The following DEAF1 variants were observed in gnomAD, a reference collection of about 807,000 sequenced individuals.
DEAF1 encodes deformed epidermal autoregulatory factor 1 homolog.
A neutral mutation model predicts 58.9 loss-of-function variants in DEAF1; 53 were observed. The observed-to-expected ratio is 0.90, with a 90% CI of 0.72 to 1.13. DEAF1 has a LOEUF of 1.13. DEAF1 is among the 50% of genes most tolerant of loss of function. DEAF1 has a pLI of 0.00. For missense variants in DEAF1, 685 were observed against 791.4 expected (o/e 0.87, Z 1.61); for synonymous variants, 385 against 340.4 (o/e 1.13, Z -1.44).
chr11:672,983 T>C (rs973997416), intron 10 of DEAF1, among the ~76,000 whole-genome samples: 1 of 151,950 alleles, frequency 6.6e-6, no homozygotes, highest in African/African-American at 2.4e-5. Context: ...ACCCTGTCTG[T>C]ACTAAAAATA....
intron 1 of DEAF1, 49 bp from the exon 2 acceptor site, chr11:691,647 CA>C (rs770784354): frequency 1.8e-5 from 28 of 1,546,786 alleles, no homozygotes; most frequent in Non-Finnish European, 2.2e-5. Flanking sequence ...CCAGAATGGA[CA>C]AAGCGAACAG....
chr11:672,470 A>G (rs185925192), intron 10 of DEAF1, among the ~76,000 whole-genome samples: 110 of 152,342 alleles, frequency 7.2e-4, no homozygotes, highest in Non-Finnish European at 7.9e-4. Context: ...CTGGGATGAT[A>G]ATCACTGTTC....
chr11:667,876 C>G (rs370591447), intron 10 of DEAF1, among the ~76,000 whole-genome samples: 3 of 152,018 alleles, frequency 2.0e-5, no homozygotes, highest in East Asian at 3.9e-4. Flanking sequence ...CTTTGGGAGG[C>G]CCAGGCGGGT....
At chr11:646,292 T>TA (rs1005942502) in intron 11 of DEAF1, 5 of 146,170 alleles carry the variant, frequency 3.4e-5, no homozygotes, top group African/African-American at 1.3e-4. Context: ...TACCTGGTAA[T>TA]AGACTATAAA....
chr11:646,124 G>A (rs746742755), intron 11 of DEAF1, among the ~76,000 whole-genome samples: 2 of 151,832 alleles, frequency 1.3e-5, no homozygotes, highest in Admixed American at 6.6e-5. Flanking sequence ...GTGGTCATGC[G>A]CACCTGCAAT....
chr11:656,159 T>TC (rs58850794), intron 10 of DEAF1, among the ~76,000 whole-genome samples: 15 of 85,040 alleles, frequency 1.8e-4, no homozygotes, highest in African/African-American at 6.3e-4. Context: ...AATGACAAAC[T>TC]TTTTTTTTTT....
Position 694,988 on chromosome 11 carries a change from C to A in DEAF1, c.60G>T (p.Ala20=). The part of the protein sequence containing the change: ...QLGLAEAAAV[A]AAAAVAAAAA... The stretch of plus-strand genomic sequence containing the variant: ...CCGCCGCCGCCACAGCGGCCGCGGC[C>A]GCCACCGCCGCCGCCTCAGCCAGGC... Residue 20 remains alanine (A), a synonymous_variant, in exon 1 of 12, where the codon GCG becomes GCT. Coordinates refer to ENST00000382409, the MANE Select transcript of DEAF1 (RefSeq NM_021008.4). 8.4e-7 allele frequency: 1 copy of A among 1,185,254 alleles called. No individual in the cohort carries two copies. 73.4% of individuals were successfully genotyped at this position (1,185,254 alleles called of 1,614,324 possible).
At chr11:685,179 G>A (rs1179993783) in intron 5 of DEAF1, among the ~76,000 whole-genome samples, 8 of 135,992 alleles carry the variant, frequency 5.9e-5, no homozygotes, top group African/African-American at 8.4e-5. Context: ...CTGCCTCCCC[G>A]GCGCAAGCAA....
At chr11:647,924 G>GGGGATTCCT (rs1838900029) in intron 11 of DEAF1, among the ~76,000 whole-genome samples, 1 of 1,548 alleles carries the variant, frequency 6.5e-4, no homozygotes, top group South Asian at 0.016. Context: ...GCTGGGAGCA[G>GGGGATTCCT]GTGGGTGGAC....
intron 10 of DEAF1, among the ~76,000 whole-genome samples, chr11:672,526 A>C (rs1859876219): frequency 6.6e-6 from 1 of 152,234 alleles, no homozygotes; most frequent in Non-Finnish European, 1.5e-5. Flanking sequence ...CCTGATGTGC[A>C]CTGAATGACA....
At chr11:654,796 G>A in intron 10 of DEAF1, 1 of 376,390 alleles carries the variant, frequency 2.7e-6, no homozygotes, top group Non-Finnish European at 5.4e-6. Context: ...TTGCACCCAG[G>A]AGGCGGAGGT....
upstream of DEAF1, among the ~76,000 whole-genome samples, chr11:697,266 G>A (rs1861239044): frequency 6.6e-6 from 1 of 152,094 alleles, no homozygotes; most frequent in African/African-American, 2.4e-5. Context: ...AAAAAACTAA[G>A]TGTATACCAA....
In DEAF1 at chr11:674,747, G is replaced by T. The variant is rs373286290; in HGVS notation, c.1292C>A (p.Pro431Gln). The change falls in exon 10 of 12, where the codon CCG (proline) becomes CAG (glutamine). Residue 431 changes from proline (P) to glutamine (Q), a missense_variant. Around this residue, in one of 3 missense-constraint regions of DEAF1, gnomAD observed 343 missense variants for 379.8 expected, o/e 0.90. Transcript: ENST00000382409. ...GGGAGGTGCCGCTTTGGTGGGAGTCGGGGGTGGGACCGCCAGCGCAGGCAG... is the reference window on the plus strand; with the variant it reads ...GGGAGGTGCCGCTTTGGTGGGAGTCTGGGGTGGGACCGCCAGCGCAGGCAG... ...TSLPALAVPP[P>Q]TPTKAAPPAL... The T allele has an allele frequency of 6.2e-7, 1 of 1,613,140 alleles. No homozygotes were observed. The highest frequency in any genetic ancestry group is 8.5e-7 in the Non-Finnish European group (1 of 1,180,030).
chr11:649,478 G>A (rs1858662519), intron 11 of DEAF1, among the ~76,000 whole-genome samples: 1 of 151,858 alleles, frequency 6.6e-6, no homozygotes, highest in Non-Finnish European at 1.5e-5. Context: ...CCAGCAGTTT[G>A]GGAGGCCGAG....
upstream of DEAF1, among the ~76,000 whole-genome samples, chr11:698,523 G>A (rs1454601864): frequency 5.9e-5 from 9 of 152,148 alleles, no homozygotes; most frequent in Admixed American, 3.9e-4. Flanking sequence ...AGCCACAGAC[G>A]GTGAGCCACA....
intron 11 of DEAF1, among the ~76,000 whole-genome samples, chr11:650,679 G>A (rs955394088): frequency 9.9e-5 from 15 of 151,888 alleles, no homozygotes; most frequent in South Asian, 2.1e-4. Flanking sequence ...CAGGCTGGGC[G>A]CAGTGACTCA....
At chr11:696,171 G>A (rs1861145539), upstream of DEAF1, among the ~76,000 whole-genome samples, 1 of 152,152 alleles carries the variant, frequency 6.6e-6, no homozygotes. Context: ...ATGGGCGCAG[G>A]GTTTCGGTAG....
intron 1 of DEAF1, chr11:700,526 C>CAAAA (rs34654075): frequency 1.7e-5 from 15 of 901,044 alleles, no homozygotes; most frequent in South Asian, 2.8e-5. Flanking sequence ...GACCCTGTCT[C>CAAAA]AAAAAAAAAA....
intron 6 of DEAF1, among the ~76,000 whole-genome samples, chr11:681,690 G>A (rs922724789): frequency 5.9e-5 from 9 of 151,878 alleles, no homozygotes; most frequent in East Asian, 1.9e-4. Flanking sequence ...GATTACAGGC[G>A]TGAGCCACCA....
Sources: allele counts gnomAD v4.1 joint callset (sites outside exome capture counted in the v4.1 genomes callset), GRCh38; gene constraint gnomAD v4.1.1; regional missense constraint gnomAD v4.1.1; transcripts MANE v1.5; gene names NCBI Gene and HGNC (gene_info 2026-07-23, HGNC 2026-07-21).